The following MAPKBP1 variants were observed in gnomAD, a reference collection of about 807,000 sequenced individuals.
The protein encoded by MAPKBP1 is mitogen-activated protein kinase binding protein 1.
A neutral mutation model predicts 170.5 loss-of-function variants in MAPKBP1; 71 were observed. That is an observed-to-expected ratio of 0.42 (90% CI 0.34 to 0.51). MAPKBP1 has a LOEUF of 0.51. MAPKBP1 is among the 20% of genes least tolerant of loss of function. The pLI is 0.06. For synonymous variants in MAPKBP1, 719 were observed against 757.9 expected (o/e 0.95, Z 0.84); for missense variants, 1,598 against 1,933.0 (o/e 0.83, Z 3.25).
intron 7 of MAPKBP1, 37 bp from the exon 8 acceptor site, chr15:41,812,882 G>T: frequency 6.4e-7 from 1 of 1,560,160 alleles, no homozygotes; most frequent in South Asian, 1.2e-5. Context: ...GCAGGCTCTG[G>T]GGTGGATGGG....
chr15:41,786,777 A>AAAAAATATAT, intron 2 of MAPKBP1, among the ~76,000 whole-genome samples: 42 of 32,428 alleles, frequency 1.3e-3, no homozygotes, highest in East Asian at 2.4e-3. Context: ...AAAAAAAAAA[A>AAAAAATATAT]ATATATATAT....
At chr15:41,788,780 A>G (rs2064343893) in intron 2 of MAPKBP1, among the ~76,000 whole-genome samples, 1 of 152,224 alleles carries the variant, frequency 6.6e-6, no homozygotes, top group Admixed American at 6.5e-5. Flanking sequence ...TATTTTATTT[A>G]GTTGACAGGA....
At chr15:41,785,625 G>T (rs1029146174) in intron 2 of MAPKBP1, among the ~76,000 whole-genome samples, 1 of 152,024 alleles carries the variant, frequency 6.6e-6, no homozygotes, top group Admixed American at 6.5e-5. Flanking sequence ...GAATTTACAG[G>T]CCAAGTGAAA....
At chr15:41,805,206 A>G (rs2064669629) in intron 3 of MAPKBP1, among the ~76,000 whole-genome samples, 1 of 152,206 alleles carries the variant, frequency 6.6e-6, no homozygotes, top group Non-Finnish European at 1.5e-5. Context: ...AGAGGTGGGT[A>G]GGAGCTCCAG....
At chr15:41,812,272 A>G (rs775264758) in intron 6 of MAPKBP1, 145 bp downstream of exon 6, 38 of 1,275,582 alleles carry the variant, frequency 3.0e-5, no homozygotes, top group Non-Finnish European at 4.2e-5. Flanking sequence ...GAAAAGAGCA[A>G]CTGTGTGGCC....
At position 41,823,544 on chromosome 15, in the gene MAPKBP1, T is replaced by TG; in HGVS notation, c.3698dup (p.Arg1234ProfsTer34). 2 of 1,614,152 alleles carry TG rather than the reference T, an allele frequency of 1.2e-6. No homozygotes were observed. Among genetic ancestry groups the TG allele is most frequent in the Non-Finnish European group, 1.7e-6 (2 of 1,180,008 alleles). On this transcript the variant is annotated frameshift_variant, in exon 29 of 31. Coordinates refer to ENST00000457542, the MANE Select transcript of MAPKBP1 (RefSeq NM_014994.3). LOFTEE classifies it high-confidence loss of function. ...GTCTGGGCTCCCTGCCCCCAGCTGA[T>TG]GGCCGTCCGTCTCGGCCTCACTCCT...
At position 41,816,620 on chromosome 15, in the gene MAPKBP1, C is replaced by A. The variant is rs143338031; in HGVS notation, c.1555C>A (p.Leu519Met). Residue 519 changes from leucine to methionine, a missense_variant, in exon 13 of 31, where the codon CTG becomes ATG. Leu to Met is a conservative substitution (Grantham distance 15, BLOSUM62 2). Around this residue, in one of 6 missense-constraint regions of MAPKBP1, gnomAD observed 430 missense variants for 617.2 expected, o/e 0.70. Coordinates refer to ENST00000457542, the MANE Select transcript of MAPKBP1 (RefSeq NM_014994.3). The part of the protein sequence containing the change: ...LKVEAHDSEI[L>M]CLEYSKPDTG... The stretch of plus-strand genomic sequence containing the variant: ...GGTGGAGGCCCATGACTCTGAGATT[C>A]TGTGCCTGGAGTATTCTAAGCCAGA... 1 of 1,613,900 alleles carries A rather than the reference C, an allele frequency of 6.2e-7. No individual in the cohort carries two copies. The highest frequency in any genetic ancestry group is 8.5e-7 in the Non-Finnish European group (1 of 1,180,044).
chr15:41,803,848 G>GT lies in MAPKBP1; in HGVS notation c.206+3943dup, dbSNP rs1207506054. Among the ~76,000 whole-genome samples, 13 of 150,164 alleles carry GT rather than the reference G, an allele frequency of 8.7e-5. No individual in the cohort carries two copies. The South Asian group carries it at 1.1e-3, about 13-fold the overall frequency. ...GCACAGAGTAGGGGGAGACCACACT[G>GT]TTTTTTTTTGAGACAGAGTTTCATT... On this transcript the variant is annotated intron_variant, in intron 3 of 30. Transcript: ENST00000457542.
chr15:41,774,819 C>T, intron 1 of MAPKBP1: 1 of 401,808 alleles, frequency 2.5e-6, no homozygotes, highest in Non-Finnish European at 4.4e-6. Context: ...TCCAGGCCTG[C>T]GGAAATCCCT....
At chr15:41,801,799 C>G (rs1204287750) in intron 3 of MAPKBP1, among the ~76,000 whole-genome samples, 1 of 151,974 alleles carries the variant, frequency 6.6e-6, no homozygotes, top group Non-Finnish European at 1.5e-5. Flanking sequence ...GCAGTGAGTG[C>G]AGATTTCGCC....
chr15:41,805,110 G>A (rs1179958263), intron 3 of MAPKBP1, among the ~76,000 whole-genome samples: 1 of 152,158 alleles, frequency 6.6e-6, no homozygotes, highest in Non-Finnish European at 1.5e-5. Flanking sequence ...ATTCTCTGAG[G>A]CCCGGAGGCG....
In MAPKBP1 at chr15:41,813,704, C is replaced by G. The variant is rs749873236; in HGVS notation, c.903C>G (p.Pro301=). ...CADGTVRLFN[P]SNLHFLSTLP... is the part of the protein sequence containing the mutation. ...ATGGCACCGTGCGCCTTTTCAACCC[C>G]TCTAACCTGCACTTCCTTAGCACCT... The change falls in exon 9 of 31, where the codon CCC becomes CCG. Residue 301 remains proline, a synonymous_variant. Coordinates refer to ENST00000457542, the MANE Select transcript of MAPKBP1 (RefSeq NM_014994.3). 1.2e-6 allele frequency: 2 copies of G among 1,614,010 alleles called. No homozygotes were observed. Among genetic ancestry groups the G allele is most frequent in the Non-Finnish European group, 1.7e-6 (2 of 1,179,968 alleles).
At chr15:41,813,127 G>A in intron 8 of MAPKBP1, 26 bp downstream of exon 8, 2 of 1,581,530 alleles carry the variant, frequency 1.3e-6, no homozygotes, top group Non-Finnish European at 1.7e-6. Flanking sequence ...CCCAGGGGTA[G>A]GGTCTGCTCA....
intron 2 of MAPKBP1, among the ~76,000 whole-genome samples, chr15:41,788,244 C>T (rs2064334842): frequency 2.6e-5 from 4 of 152,178 alleles, no homozygotes; most frequent in African/African-American, 9.7e-5. Context: ...GGGTCAGCCA[C>T]CGCACCCGGC....
Position 41,819,602 on chromosome 15 carries a change from C to G in MAPKBP1, c.2433C>G (p.Val811=), listed in dbSNP as rs1044357939. ...AKSTKKALAS[V]PSPALPRSLS... is the part of the protein sequence containing the mutation. ...CTGCCTGTTTCTGTCTAGCCTCGGTCCCCAGCCCAGCTTTGCCCCGAAGCC... is the reference window on the plus strand; with the variant it reads ...CTGCCTGTTTCTGTCTAGCCTCGGTGCCCAGCCCAGCTTTGCCCCGAAGCC... Residue 811 remains valine (V), a synonymous_variant, in exon 22 of 31, where the codon GTC becomes GTG. Transcript: ENST00000457542. 14 of 1,612,172 alleles carry G rather than the reference C, an allele frequency of 8.7e-6. No homozygotes were observed. The highest frequency in any genetic ancestry group is 1.0e-5 in the Non-Finnish European group (12 of 1,179,734).
chr15:41,825,119 T>G lies in MAPKBP1; in HGVS notation c.4300-90T>G. Reference sequence around the variant, plus strand: ...CGGGTAGAGTTCCCAGCTAGTCCCTTCTGAGGCAGGCTGGACCCAGGTGGG... The same window carrying G: ...CGGGTAGAGTTCCCAGCTAGTCCCTGCTGAGGCAGGCTGGACCCAGGTGGG... On this transcript the variant is annotated intron_variant, in intron 30 of 30. Coordinates refer to ENST00000457542, the MANE Select transcript of MAPKBP1 (RefSeq NM_014994.3). 5.2e-6 allele frequency: 5 copies of G among 963,682 alleles called. 1 individual carries two copies. The South Asian group carries it at 8.6e-5, about 17-fold the overall frequency. 59.7% of individuals were successfully genotyped at this position (963,682 alleles called of 1,614,324 possible). A position where few individuals can be genotyped will look rare whatever the true frequency, so the allele number is the denominator to read the frequency against.
intron 2 of MAPKBP1, among the ~76,000 whole-genome samples, chr15:41,781,620 G>GC (rs1052997726): frequency 6.6e-6 from 1 of 152,052 alleles, no homozygotes; most frequent in African/African-American, 2.4e-5. Flanking sequence ...TCCAGCCTGG[G>GC]CAACAGAGTG....
intron 21 of MAPKBP1, 48 bp from the exon 22 acceptor site, chr15:41,819,547 C>CGTGGGGTGGGGGGGGGG: frequency 8.1e-7 from 1 of 1,228,204 alleles, no homozygotes; most frequent in Non-Finnish European, 1.1e-6. Context: ...GGTTGGGTGG[C>CGTGGGGTGGGGGGGGGG]GGGGGGGGGG....
At chr15:41,801,576 G>A (rs1384448150) in intron 3 of MAPKBP1, among the ~76,000 whole-genome samples, 6 of 151,992 alleles carry the variant, frequency 3.9e-5, no homozygotes, top group Non-Finnish European at 7.4e-5. Flanking sequence ...GGCTGGGCCC[G>A]GTGGCTCACG....
Sources: allele counts gnomAD v4.1 joint callset (sites outside exome capture counted in the v4.1 genomes callset), GRCh38; gene constraint gnomAD v4.1.1; regional missense constraint gnomAD v4.1.1; transcripts MANE v1.5; gene names NCBI Gene and HGNC (gene_info 2026-07-23, HGNC 2026-07-21).